Variants in RHOU observed in about 807,000 individuals in gnomAD.
RHOU encodes ras homolog family member U.
RHOU carries 8 observed loss-of-function variants against 12.6 expected under a neutral mutation model. The ratio of observed to expected loss-of-function variants is 0.64; its 90% CI spans 0.37 to 1.15. The LOEUF (loss-of-function observed/expected upper bound fraction) is 1.15. Ranked by LOEUF, RHOU falls within the 50% of genes most tolerant of loss-of-function variation. The pLI is 0.01. For synonymous variants in RHOU, 161 were observed against 147.4 expected (o/e 1.09, Z -0.67); for missense variants, 258 against 347.0 (o/e 0.74, Z 2.04).
At chr1:228,731,059 T>C (rs564618528), upstream of RHOU, among the ~76,000 whole-genome samples, 1 of 152,358 alleles carries the variant, frequency 6.6e-6, no homozygotes, top group African/African-American at 2.4e-5. Context: ...ATTAATTATT[T>C]GCTAGTGGAA....
At chr1:228,693,473 AT>A in the RHOU span, among the ~76,000 whole-genome samples, 50 of 149,416 alleles carry the variant, frequency 3.3e-4, no homozygotes, top group Admixed American at 8.7e-4. Flanking sequence ...CAGGTTAATA[AT>A]TTTTTTTTTT....
chr1:228,674,921 G>T, the RHOU span, among the ~76,000 whole-genome samples: 4 of 151,584 alleles, frequency 2.6e-5, no homozygotes, highest in Non-Finnish European at 5.9e-5. Context: ...AGTAAAGACG[G>T]GATTTCACCG....
chr1:228,712,666 G>C, the RHOU span, among the ~76,000 whole-genome samples: 2 of 112,704 alleles, frequency 1.8e-5, no homozygotes, highest in Non-Finnish European at 3.5e-5. Flanking sequence ...GTTGTAGGGT[G>C]GGGGGAGGGG....
At chr1:228,687,642 A>G in the RHOU span, 13 of 1,556,126 alleles carry the variant, frequency 8.4e-6, no homozygotes, top group Non-Finnish European at 1.1e-5. Flanking sequence ...CAAACTGGCC[A>G]CTGACAAAAA....
the RHOU span, among the ~76,000 whole-genome samples, chr1:228,728,900 T>C: frequency 9.9e-6 from 1 of 100,772 alleles, no homozygotes; most frequent in Admixed American, 1.0e-4. Context: ...TTTTCTTTTC[T>C]TTTTTTTTTT....
chr1:228,745,374 A>G lies in RHOU; in HGVS notation c.*1634A>G, dbSNP rs1364782143. ...GAGGGAAATCTGTAAAGCCAGTTAG[A>G]TAGAAGAATTTTATTTTTCTGTGGG... is the stretch of plus-strand genomic sequence containing the variant. On this transcript the variant is annotated 3_prime_UTR_variant, in exon 3 of 3. Transcript: ENST00000366691. 2 of 152,202 alleles carry G rather than the reference A, an allele frequency of 1.3e-5. No homozygotes were observed. The highest frequency in any genetic ancestry group is 2.9e-5 in the Non-Finnish European group (2 of 68,030). 9.4% of individuals were successfully genotyped at this position (152,202 alleles called of 1,614,324 possible). A position where few individuals can be genotyped will look rare whatever the true frequency, so the allele number is the denominator to read the frequency against.
the RHOU span, among the ~76,000 whole-genome samples, chr1:228,716,745 C>CATATATATATAT: frequency 2.5e-4 from 26 of 104,700 alleles, no homozygotes; most frequent in Admixed American, 1.6e-3. Flanking sequence ...CATATACACA[C>CATATATATATAT]ACATGTGTGT....
At chr1:228,677,593 A>G in the RHOU span, among the ~76,000 whole-genome samples, 1 of 152,208 alleles carries the variant, frequency 6.6e-6, no homozygotes, top group Admixed American at 6.5e-5. Context: ...AAGAAGGATT[A>G]GAAACGGCTA....
chr1:228,661,673 T>A, the RHOU span, among the ~76,000 whole-genome samples: 1 of 152,188 alleles, frequency 6.6e-6, no homozygotes, highest in African/African-American at 2.4e-5. Context: ...TATACAAAAA[T>A]TAATTCAAGA....
the RHOU span, among the ~76,000 whole-genome samples, chr1:228,686,077 G>T: frequency 6.6e-6 from 1 of 152,236 alleles, no homozygotes; most frequent in Admixed American, 6.5e-5. Context: ...TTAGTCCATT[G>T]ACCCCAAAAT....
the RHOU span, among the ~76,000 whole-genome samples, chr1:228,698,712 G>A: frequency 6.6e-5 from 10 of 152,338 alleles, no homozygotes; most frequent in African/African-American, 2.2e-4. Context: ...AGGTTAAGAG[G>A]AGTGGACCAA....
At chr1:228,715,680 A>T in the RHOU span, among the ~76,000 whole-genome samples, 1 of 152,020 alleles carries the variant, frequency 6.6e-6, no homozygotes, top group Non-Finnish European at 1.5e-5. Flanking sequence ...TATAGTGTTT[A>T]GTTCTTCTAT....
the RHOU span, chr1:228,687,911 C>A: frequency 1.3e-6 from 1 of 752,516 alleles, no homozygotes. Flanking sequence ...TGTTCTCCCC[C>A]TCTCCCTCCT....
intron 2 of RHOU, among the ~76,000 whole-genome samples, chr1:228,741,191 C>T (rs117003216): frequency 3.9e-5 from 6 of 152,258 alleles, no homozygotes; most frequent in East Asian, 3.9e-4. Context: ...GTGCAGTGTC[C>T]GTACCACAGA....
At chr1:228,663,948 C>A in the RHOU span, among the ~76,000 whole-genome samples, 8 of 145,428 alleles carry the variant, frequency 5.5e-5, no homozygotes, top group Non-Finnish European at 1.2e-4. Context: ...AGCTGGATTT[C>A]TTTTTCTTCT....
chr1:228,724,719 T>A, the RHOU span, among the ~76,000 whole-genome samples: 1 of 152,240 alleles, frequency 6.6e-6, no homozygotes, highest in Non-Finnish European at 1.5e-5. Flanking sequence ...CCAAAACTTA[T>A]TCCTCCTGCC....
the RHOU span, among the ~76,000 whole-genome samples, chr1:228,661,707 G>A: frequency 5.3e-5 from 8 of 151,998 alleles, no homozygotes; most frequent in Admixed American, 5.2e-4. Flanking sequence ...TAAACATTAG[G>A]CCTAAAACCA....
At chr1:228,662,287 C>T in the RHOU span, among the ~76,000 whole-genome samples, 4 of 152,188 alleles carry the variant, frequency 2.6e-5, no homozygotes, top group South Asian at 8.3e-4. Flanking sequence ...CCTCAAGGAT[C>T]TAGAACTAGA....
chr1:228,741,656 T>A (rs550896383), intron 2 of RHOU, among the ~76,000 whole-genome samples: 1 of 152,196 alleles, frequency 6.6e-6, no homozygotes, highest in African/African-American at 2.4e-5. Flanking sequence ...TGAAGAAACT[T>A]AAGTCATTAT....
Sources: gnomAD v4.1 joint callset for allele counts (sites outside exome capture counted in the v4.1 genomes callset) on GRCh38, gnomAD v4.1.1 for gene constraint, MANE v1.5 for transcripts, NCBI Gene and HGNC (gene_info 2026-07-23, HGNC 2026-07-21) for gene names.